The following KIF13A variants were observed in gnomAD, a reference collection of about 807,000 sequenced individuals.
The protein encoded by KIF13A is kinesin family member 13A.
Under a neutral mutation model 212.2 loss-of-function variants are expected in KIF13A, and 79 were observed. The observed-to-expected ratio is 0.37, with a 90% CI of 0.31 to 0.45. KIF13A has a LOEUF of 0.45. KIF13A is among the 20% of genes least tolerant of loss of function. The probability of loss-of-function intolerance (pLI) is 1.00; values close to 1 mark genes in which losing one functional copy is unlikely to be tolerated. For synonymous variants in KIF13A, 789 were observed against 808.6 expected, an observed-to-expected ratio of 0.98 and a Z score of 0.41; for missense variants, 1,901 against 2,209.0, an observed-to-expected ratio of 0.86 and a Z score of 2.79.
rs1771301289 is a variant in KIF13A, at chr6:17,883,842, G to A, written c.160-10405C>T. On this transcript the variant is annotated intron_variant, in intron 3 of 38. Transcript: ENST00000259711. This position sits in a 1 kb window ranked among gnomAD's most constrained non-coding sequence, Gnocchi z 4.8. ...TGAGGTGGGAGGATCACTTGAGCCT[G>A]GGAGTTTGAGGCTGCAATGAGCTAT... is the stretch of plus-strand genomic sequence containing the variant. 6.6e-6 allele frequency among the ~76,000 whole-genome samples: 1 copy of A among 151,900 alleles called. No individual in the cohort carries two copies. Among genetic ancestry groups the A allele is most frequent in the East Asian group, 1.9e-4 (1 of 5,154 alleles).
chr6:17,974,458 G>A (rs892561770), intron 2 of KIF13A, among the ~76,000 whole-genome samples: 1 of 152,186 alleles, frequency 6.6e-6, no homozygotes, highest in Non-Finnish European at 1.5e-5. Context: ...TGTGCGTTAA[G>A]TCTTGGGCAT....
chr6:17,977,105 AAAC>A (rs1428232039), intron 2 of KIF13A, among the ~76,000 whole-genome samples: 18 of 119,928 alleles, frequency 1.5e-4, no homozygotes, highest in African/African-American at 4.9e-4. Flanking sequence ...CCGTCTCAAA[AAAC>A]AACAACAAAA....
At chr6:17,865,487 GGACAGCGCAA>G (rs1459894369) in intron 4 of KIF13A, among the ~76,000 whole-genome samples, 1 of 152,174 alleles carries the variant, frequency 6.6e-6, no homozygotes, top group Non-Finnish European at 1.5e-5. Context: ...CAGAGCACCT[GGACAGCGCAA>G]GACCAGACAG....
chr6:17,927,900 A>C (rs1171288320), intron 2 of KIF13A, among the ~76,000 whole-genome samples: 1 of 152,206 alleles, frequency 6.6e-6, no homozygotes, highest in African/African-American at 2.4e-5. Flanking sequence ...AGCACCCCCT[A>C]CACTCCAGAG....
chr6:17,932,147 A>G (rs1776038514), intron 2 of KIF13A, among the ~76,000 whole-genome samples: 1 of 152,198 alleles, frequency 6.6e-6, no homozygotes, highest in South Asian at 2.1e-4. Flanking sequence ...CCACCGACAC[A>G]TGCTAGACAC....
rs889352742 is a variant in KIF13A at position 17,900,138 on chromosome 6, C to T, written c.147-1958G>A. Among the ~76,000 whole-genome samples the T allele has an allele frequency of 6.6e-6, 1 of 152,156 alleles. No homozygotes were observed. Among genetic ancestry groups the T allele is most frequent in the African/African-American group, 2.4e-5 (1 of 41,420 alleles). On this transcript the variant is annotated intron_variant, in intron 2 of 38. Coordinates refer to ENST00000259711, the MANE Select transcript of KIF13A (RefSeq NM_022113.6). This position sits in a 1 kb window ranked among gnomAD's most constrained non-coding sequence, Gnocchi z 4.6. The stretch of plus-strand genomic sequence containing the variant: ...ACCAAAGGTAATTAAATATAGGTTT[C>T]CCATTTATGTTATGATGAACCCAGT...
chr6:17,817,638 T>C (rs1764068629), intron 16 of KIF13A, among the ~76,000 whole-genome samples: 1 of 152,224 alleles, frequency 6.6e-6, no homozygotes. Context: ...TTATGGTAAT[T>C]CATTTCTATG....
chr6:17,884,391 T>C (rs1006089915), intron 3 of KIF13A, among the ~76,000 whole-genome samples: 10 of 152,246 alleles, frequency 6.6e-5, no homozygotes, highest in Non-Finnish European at 1.3e-4. Flanking sequence ...GCGTTTGTTA[T>C]GTACCAGGCA....
intron 6 of KIF13A, among the ~76,000 whole-genome samples, chr6:17,853,601 G>A (rs1767864314): frequency 6.6e-6 from 1 of 152,114 alleles, no homozygotes; most frequent in South Asian, 2.1e-4. Context: ...AAAAGACAGA[G>A]AAAGTGATGA....
chr6:17,863,515 G>A (rs546330181), intron 4 of KIF13A, among the ~76,000 whole-genome samples: 139 of 152,020 alleles, frequency 9.1e-4, no homozygotes, highest in Non-Finnish European at 1.2e-3. Context: ...GTGTGAACTC[G>A]TGGCCGGAGT....
chr6:17,974,130 G>A (rs780651511), intron 2 of KIF13A, among the ~76,000 whole-genome samples: 1 of 152,102 alleles, frequency 6.6e-6, no homozygotes, highest in African/African-American at 2.4e-5. Flanking sequence ...CACCCAAGCT[G>A]GAGTGCAATG....
chr6:17,926,472 T>C lies in KIF13A; in HGVS notation c.147-28292A>G, dbSNP rs767575440. The stretch of plus-strand genomic sequence containing the variant: ...GGTCTTGAACTCCAGCCTCAAGTGA[T>C]CTGCCTGCCTCGGCCTCCCAAAGTG... On this transcript the variant is annotated intron_variant, in intron 2 of 38. Transcript: ENST00000259711. The surrounding 1 kb of genome is among the most constrained non-coding windows in gnomAD (Gnocchi z 4.3). Among the ~76,000 whole-genome samples, 3 of 152,172 alleles carry C rather than the reference T, an allele frequency of 2.0e-5. No individual in the cohort carries two copies. Among genetic ancestry groups the C allele is most frequent in the Non-Finnish European group, 4.4e-5 (3 of 68,036 alleles).
At chr6:17,761,007 G>A (rs965352312), downstream of KIF13A, 3 of 839,680 alleles carry the variant, frequency 3.6e-6, no homozygotes, top group African/African-American at 5.1e-5. Flanking sequence ...CCACAGGATT[G>A]GTTTTATTAT....
At chr6:17,767,316 G>A (rs557995083) in intron 38 of KIF13A, among the ~76,000 whole-genome samples, 10 of 150,946 alleles carry the variant, frequency 6.6e-5, no homozygotes, top group East Asian at 1.9e-4. Flanking sequence ...GTGCAATGGC[G>A]CGATCTTGGA....
At chr6:17,831,496 A>G (rs1765448336) in intron 12 of KIF13A, among the ~76,000 whole-genome samples, 1 of 151,576 alleles carries the variant, frequency 6.6e-6, no homozygotes, top group South Asian at 2.1e-4. Flanking sequence ...CCACATAACT[A>G]GAGCACAAAA....
At chr6:17,970,429 C>G (rs1779715704) in intron 2 of KIF13A, among the ~76,000 whole-genome samples, 1 of 151,864 alleles carries the variant, frequency 6.6e-6, no homozygotes, top group Admixed American at 6.6e-5. Flanking sequence ...ATGGTGAAAC[C>G]CTGTCTCTAC....
chr6:17,962,375 G>A (rs1778901957), intron 2 of KIF13A, among the ~76,000 whole-genome samples: 1 of 152,022 alleles, frequency 6.6e-6, no homozygotes, highest in African/African-American at 2.4e-5. Context: ...TCCATAAAAG[G>A]TCAAGCTTTT....
At chr6:17,803,513 G>A (rs912066775) in intron 20 of KIF13A, among the ~76,000 whole-genome samples, 1 of 152,088 alleles carries the variant, frequency 6.6e-6, no homozygotes, top group African/African-American at 2.4e-5. Context: ...GAAATAACCT[G>A]GTAGTTCAAC....
chr6:17,833,519 A>G (rs1765646084), intron 12 of KIF13A, among the ~76,000 whole-genome samples: 2 of 140,720 alleles, frequency 1.4e-5, no homozygotes, highest in African/African-American at 5.2e-5. Flanking sequence ...AAAAAAAAAA[A>G]GTGATCTTTG....
Sources: allele counts gnomAD v4.1 joint callset (sites outside exome capture counted in the v4.1 genomes callset), GRCh38; gene constraint gnomAD v4.1.1; non-coding constraint Gnocchi (gnomAD v3.1); transcripts MANE v1.5; gene names NCBI Gene and HGNC (gene_info 2026-07-23, HGNC 2026-07-21).